The following CDK5RAP1 variants were observed in gnomAD, a reference collection of about 807,000 sequenced individuals.
CDK5RAP1 encodes CDK5RAP1 mitochondrial tRNA methylthiotransferase, also known as mitochondrial tRNA methylthiotransferase CDK5RAP1.
A neutral mutation model predicts 64.5 loss-of-function variants in CDK5RAP1; 62 were observed. The observed-to-expected ratio is 0.96, with a 90% CI of 0.78 to 1.19. The LOEUF (loss-of-function observed/expected upper bound fraction) is 1.19. CDK5RAP1 is among the 50% of genes most tolerant of loss of function. The probability of loss-of-function intolerance (pLI) is 0.00; values close to 1 mark genes in which losing one functional copy is unlikely to be tolerated. For missense variants in CDK5RAP1, 657 were observed against 735.0 expected, an observed-to-expected ratio of 0.89 and a Z score of 1.23; for synonymous variants, 250 against 261.9, an observed-to-expected ratio of 0.95 and a Z score of 0.44.
At chr20:33,385,842 G>A (rs1987365412) in intron 6 of CDK5RAP1, 72 bp from the exon 7 acceptor site, 2 of 1,391,138 alleles carry the variant, frequency 1.4e-6, no homozygotes, top group Non-Finnish European at 9.8e-7. Context: ...GCAGGACTCA[G>A]CTTCAATAGC....
intron 6 of CDK5RAP1, among the ~76,000 whole-genome samples, chr20:33,386,934 A>G (rs543063775): frequency 4.6e-5 from 7 of 152,282 alleles, no homozygotes; most frequent in Non-Finnish European, 7.4e-5. Context: ...TTACAAAAAG[A>G]GGTAGTAAGC....
intron 6 of CDK5RAP1, among the ~76,000 whole-genome samples, chr20:33,386,683 G>A (rs1987470046): frequency 6.7e-6 from 1 of 149,524 alleles, no homozygotes. Flanking sequence ...GAAGAATTAT[G>A]TAATAAATGT....
chr20:33,388,679 A>G (rs529367441), intron 5 of CDK5RAP1, among the ~76,000 whole-genome samples: 139 of 151,118 alleles, frequency 9.2e-4, no homozygotes, highest in African/African-American at 3.4e-3. Context: ...TGCCCAGCCA[A>G]AGCTGGACTG....
chr20:33,365,489 C>T (rs987067625), intron 12 of CDK5RAP1, among the ~76,000 whole-genome samples: 1 of 150,656 alleles, frequency 6.6e-6, no homozygotes, highest in Non-Finnish European at 1.5e-5. Flanking sequence ...CCAGACTGGT[C>T]TCGAACTCCT....
intron 5 of CDK5RAP1, among the ~76,000 whole-genome samples, chr20:33,388,573 C>T (rs1198743191): frequency 2.0e-4 from 22 of 111,532 alleles, no homozygotes; most frequent in Non-Finnish European, 3.6e-4. Flanking sequence ...TCTCCCTCTC[C>T]CCCTCTCCCT....
At chr20:33,394,162 T>C (rs1292632353) in intron 3 of CDK5RAP1, 96 bp from the exon 4 acceptor site, 35 of 897,548 alleles carry the variant, frequency 3.9e-5, no homozygotes, top group Non-Finnish European at 5.1e-5. Flanking sequence ...TATTTTTTTT[T>C]CCTTTTTTTT....
chr20:33,366,038 G>A (rs1344827979), intron 12 of CDK5RAP1, among the ~76,000 whole-genome samples: 1 of 152,208 alleles, frequency 6.6e-6, no homozygotes, highest in Non-Finnish European at 1.5e-5. Context: ...GAGCTTTGTG[G>A]TCGAGAGCTG....
chr20:33,372,523 G>A, intron 10 of CDK5RAP1, 119 bp downstream of exon 10: 1 of 528,286 alleles, frequency 1.9e-6, no homozygotes, highest in South Asian at 3.6e-5. Context: ...GAAAGAAGAA[G>A]AGCACAAAAG....
In CDK5RAP1 at chr20:33,396,649, C is replaced by A. The variant is rs1455432130; in HGVS notation, c.304+112G>T. On this transcript the variant is annotated intron_variant, in intron 2 of 13. Coordinates refer to ENST00000346416, the MANE Select transcript of CDK5RAP1 (RefSeq NM_016408.4). ...TGGTGGAGTCTAATGATTCCCACAG[C>A]CTTCCCACACTGTTAACCTTCCAAG... 5 of 795,256 alleles carry A rather than the reference C, an allele frequency of 6.3e-6. No individual in the cohort carries two copies. The African/African-American group carries it at 6.9e-5, about 11-fold the overall frequency. 49.3% of individuals were successfully genotyped at this position (795,256 alleles called of 1,614,324 possible).
chr20:33,385,459 A>G, intron 7 of CDK5RAP1, 191 bp downstream of exon 7: 2 of 569,268 alleles, frequency 3.5e-6, no homozygotes, highest in Admixed American at 3.3e-5. Context: ...TCCATCCACC[A>G]TGCTGCCTCC....
chr20:33,396,242 C>T (rs563127792), intron 2 of CDK5RAP1, among the ~76,000 whole-genome samples: 1 of 152,264 alleles, frequency 6.6e-6, no homozygotes, highest in East Asian at 1.9e-4. Flanking sequence ...TGAAGTAAAA[C>T]TAATTTTGTA....
chr20:33,389,194 G>A (rs185704870), intron 5 of CDK5RAP1, among the ~76,000 whole-genome samples: 3,110 of 151,772 alleles, frequency 0.02, 104 homozygotes, highest in African/African-American at 0.07. Context: ...TCTCTGCCCG[G>A]CCACCCATCG....
intron 10 of CDK5RAP1, among the ~76,000 whole-genome samples, chr20:33,370,966 T>C (rs1047984990): frequency 6.6e-6 from 1 of 152,180 alleles, no homozygotes; most frequent in African/African-American, 2.4e-5. Flanking sequence ...CAAAAATATA[T>C]TTCTGAATTT....
chr20:33,368,262 C>G (rs1984346425), intron 11 of CDK5RAP1, among the ~76,000 whole-genome samples: 19 of 152,078 alleles, frequency 1.2e-4, no homozygotes, highest in Admixed American at 1.2e-3. Context: ...GATGCTTCTG[C>G]CACAAGCTGA....
intron 4 of CDK5RAP1, among the ~76,000 whole-genome samples, chr20:33,393,241 G>A (rs763791183): frequency 2.8e-4 from 42 of 151,924 alleles, no homozygotes; most frequent in Non-Finnish European, 5.0e-4. Context: ...GGCTGGTCTT[G>A]AATAGTTCAC....
chr20:33,360,164 A>G, intron 13 of CDK5RAP1, 187 bp downstream of exon 13: 1 of 596,822 alleles, frequency 1.7e-6, no homozygotes, highest in South Asian at 2.2e-5. Context: ...AGAATAGGTA[A>G]GAAGAATAAG....
intron 5 of CDK5RAP1, among the ~76,000 whole-genome samples, chr20:33,389,575 C>CG (rs1437630979): frequency 1.3e-5 from 2 of 148,794 alleles, no homozygotes; most frequent in Admixed American, 1.3e-4. Flanking sequence ...CCGCCCCGTC[C>CG]GGGAGGGAGT....
intron 7 of CDK5RAP1, among the ~76,000 whole-genome samples, chr20:33,384,900 T>A (rs1038738870): frequency 7.2e-5 from 11 of 151,936 alleles, no homozygotes; most frequent in Non-Finnish European, 2.9e-5. Context: ...AAAGCCCGTC[T>A]CAAAAATAAA....
At chr20:33,364,071 GAAT>G (rs2146582751) in intron 12 of CDK5RAP1, among the ~76,000 whole-genome samples, 1 of 151,768 alleles carries the variant, frequency 6.6e-6, no homozygotes, top group South Asian at 2.1e-4. Flanking sequence ...AATCTAAAAA[GAAT>G]ATTAAGACAT....
Sources: allele counts gnomAD v4.1 joint callset (sites outside exome capture counted in the v4.1 genomes callset), GRCh38; gene constraint gnomAD v4.1.1; transcripts MANE v1.5; gene names NCBI Gene and HGNC (gene_info 2026-07-23, HGNC 2026-07-21).